The following FAM135B variants were observed in gnomAD, a reference collection of about 807,000 sequenced individuals.
FAM135B encodes the protein family with sequence similarity 135 member B, also known as protein FAM135B.
A neutral mutation model predicts 127.7 loss-of-function variants in FAM135B; 43 were observed. The observed-to-expected ratio is 0.34, with a 90% CI of 0.26 to 0.43. The LOEUF (loss-of-function observed/expected upper bound fraction) is 0.43. Among genes scored for constraint, FAM135B ranks in the 20% least tolerant of loss-of-function variants. The probability of loss-of-function intolerance (pLI) is 1.00; values close to 1 mark genes in which losing one functional copy is unlikely to be tolerated. For synonymous variants in FAM135B, 670 were observed against 665.1 expected (o/e 1.01, Z -0.11); for missense variants, 1,558 against 1,725.6 (o/e 0.90, Z 1.72).
At chr8:138,248,850 A>G (rs1207445985) in intron 6 of FAM135B, among the ~76,000 whole-genome samples, 3 of 151,392 alleles carry the variant, frequency 2.0e-5, no homozygotes, top group Admixed American at 6.6e-5. Flanking sequence ...TAAAAGTAAA[A>G]TAAAATAAAT....
intron 2 of FAM135B, among the ~76,000 whole-genome samples, chr8:138,337,860 A>C (rs891622930): frequency 4.6e-5 from 7 of 152,182 alleles, no homozygotes; most frequent in Non-Finnish European, 8.8e-5. Context: ...TTCAAACTAT[A>C]CTGCAAGGCT....
chr8:138,237,518 G>A (rs1036039509), intron 7 of FAM135B, among the ~76,000 whole-genome samples: 12 of 152,128 alleles, frequency 7.9e-5, no homozygotes, highest in Non-Finnish European at 1.5e-4. Flanking sequence ...CAGCTGTGAT[G>A]GCTATTTATG....
intron 9 of FAM135B, among the ~76,000 whole-genome samples, chr8:138,189,420 G>A (rs533560219): frequency 1.3e-5 from 2 of 152,338 alleles, no homozygotes; most frequent in East Asian, 3.9e-4. Flanking sequence ...TACCACAGGT[G>A]TGGATGCAAA....
At chr8:138,414,364 G>A (rs892345072) in intron 1 of FAM135B, among the ~76,000 whole-genome samples, 6 of 152,086 alleles carry the variant, frequency 3.9e-5, no homozygotes, top group African/African-American at 1.4e-4. Flanking sequence ...AATGAATGGA[G>A]AACAACTTTG....
intron 2 of FAM135B, among the ~76,000 whole-genome samples, chr8:138,344,616 C>T (rs1452294122): frequency 7.5e-6 from 1 of 132,806 alleles, no homozygotes; most frequent in Non-Finnish European, 1.5e-5. Context: ...CGCTCTGTCG[C>T]CCAGGCTGGA....
rs74520375 is a variant in FAM135B, at chr8:138,193,651, G to A, written c.873+1607C>T. ...TGCACCTCCACAGGTACGTGGCTCC[G>A]GCCAGGCCCTCAGGGGATGGAGCCT... On this transcript the variant is annotated intron_variant, in intron 9 of 19. Coordinates refer to ENST00000395297, the MANE Select transcript of FAM135B (RefSeq NM_015912.4). 5.4e-3 allele frequency among the ~76,000 whole-genome samples: 829 copies of A among 152,252 alleles called. 4 individuals are homozygous for A. Among genetic ancestry groups the A allele is most frequent in the African/African-American group, 0.018 (766 of 41,542 alleles).
At chr8:138,468,404 T>G (rs1301782519) in intron 1 of FAM135B, among the ~76,000 whole-genome samples, 1 of 152,214 alleles carries the variant, frequency 6.6e-6, no homozygotes, top group Non-Finnish European at 1.5e-5. Context: ...AGCCTGCATA[T>G]TTCACTAATA....
intron 15 of FAM135B, 80 bp from the exon 16 acceptor site, chr8:138,143,189 T>C (rs1050894338): frequency 1.3e-6 from 1 of 778,880 alleles, no homozygotes; most frequent in Non-Finnish European, 2.3e-6. Context: ...GTTCTTCCAC[T>C]AAACACTGTG....
chr8:138,247,310 T>C (rs1821366418), intron 6 of FAM135B, among the ~76,000 whole-genome samples: 1 of 152,210 alleles, frequency 6.6e-6, no homozygotes, highest in African/African-American at 2.4e-5. Flanking sequence ...TCTTGAATTG[T>C]AGTTTCCATA....
chr8:138,313,183 G>A (rs1267481032), intron 2 of FAM135B, among the ~76,000 whole-genome samples: 2 of 152,098 alleles, frequency 1.3e-5, no homozygotes, highest in East Asian at 3.9e-4. Context: ...CCAGGCTGGA[G>A]TGCAGTGGTG....
At chr8:138,138,846 G>A (rs1359695572) in intron 18 of FAM135B, 140 bp downstream of exon 18, 8 of 606,338 alleles carry the variant, frequency 1.3e-5, no homozygotes, top group Non-Finnish European at 2.4e-5. Flanking sequence ...CTCCCAATGA[G>A]CCAAAGAGGC....
chr8:138,368,118 C>A, intron 1 of FAM135B, 116 bp from the exon 2 acceptor site: 2 of 684,392 alleles, frequency 2.9e-6, no homozygotes, highest in South Asian at 1.7e-5. Context: ...TAGCGTGTGT[C>A]CACTGAACGT....
intron 7 of FAM135B, among the ~76,000 whole-genome samples, chr8:138,208,344 C>T (rs1817868113): frequency 6.6e-6 from 1 of 152,186 alleles, no homozygotes; most frequent in East Asian, 1.9e-4. Context: ...GAAGTCTTAG[C>T]TATTCCATTG....
intron 7 of FAM135B, among the ~76,000 whole-genome samples, chr8:138,239,928 T>A (rs956067006): frequency 1.4e-5 from 2 of 141,350 alleles, no homozygotes; most frequent in African/African-American, 5.4e-5. Context: ...ATGTTCTCAC[T>A]CATAGGTAGG....
At chr8:138,145,813 T>C in intron 15 of FAM135B, 146 bp downstream of exon 15, 1 of 549,684 alleles carries the variant, frequency 1.8e-6, no homozygotes. Context: ...GTCTCTTCTT[T>C]CCAACCCATC....
chr8:138,309,507 T>G (rs1826503403), intron 3 of FAM135B, among the ~76,000 whole-genome samples: 1 of 152,222 alleles, frequency 6.6e-6, no homozygotes, highest in Non-Finnish European at 1.5e-5. Context: ...GATCACAGAC[T>G]TGAGTTATCC....
intron 13 of FAM135B, among the ~76,000 whole-genome samples, chr8:138,150,719 A>G (rs571201740): frequency 6.6e-6 from 1 of 152,258 alleles, no homozygotes; most frequent in Non-Finnish European, 1.5e-5. Context: ...CAAAATTTAA[A>G]GGTTCATTTG....
chr8:138,318,552 T>C (rs1430879529), intron 2 of FAM135B, among the ~76,000 whole-genome samples: 1 of 152,208 alleles, frequency 6.6e-6, no homozygotes, highest in East Asian at 1.9e-4. Flanking sequence ...AGGAAGGCAT[T>C]GAGCCATTGG....
intron 1 of FAM135B, among the ~76,000 whole-genome samples, chr8:138,464,233 C>G (rs1242751187): frequency 6.6e-6 from 1 of 152,048 alleles, no homozygotes; most frequent in East Asian, 1.9e-4. Context: ...AATGTCAGCC[C>G]GATGGATACA....
Sources: gnomAD v4.1 joint callset for allele counts (sites outside exome capture counted in the v4.1 genomes callset) on GRCh38, gnomAD v4.1.1 for gene constraint, MANE v1.5 for transcripts, NCBI Gene and HGNC (gene_info 2026-07-23, HGNC 2026-07-21) for gene names.